Variants in SORCS1 observed in about 807,000 individuals in gnomAD.
The protein encoded by SORCS1 is VPS10 domain-containing receptor SorCS1.
Under a neutral mutation model 146.1 loss-of-function variants are expected in SORCS1, and 60 were observed. That is an observed-to-expected ratio of 0.41 (90% CI 0.33 to 0.51). The LOEUF is 0.51. Ranked by LOEUF, SORCS1 falls within the 20% of genes least tolerant of loss-of-function variation. SORCS1 has a pLI of 0.21. For synonymous variants in SORCS1, 637 were observed against 584.0 expected, an observed-to-expected ratio of 1.09 and a Z score of -1.31; for missense variants, 1,352 against 1,487.6, an observed-to-expected ratio of 0.91 and a Z score of 1.50.
intron 2 of SORCS1, among the ~76,000 whole-genome samples, chr10:106,834,639 C>T (rs1948708128): frequency 6.6e-6 from 1 of 151,940 alleles, no homozygotes; most frequent in Non-Finnish European, 1.5e-5. Context: ...GAAATGCCAG[C>T]CTGGACTAAC....
At chr10:106,896,892 T>TG (rs1951502820) in intron 2 of SORCS1, among the ~76,000 whole-genome samples, 1 of 146,632 alleles carries the variant, frequency 6.8e-6, no homozygotes, top group Admixed American at 6.8e-5. Context: ...AAATACTGTT[T>TG]TTTTTTTTTT....
intron 2 of SORCS1, among the ~76,000 whole-genome samples, chr10:106,853,879 C>G (rs1183923793): frequency 6.6e-6 from 1 of 151,918 alleles, no homozygotes; most frequent in African/African-American, 2.4e-5. Context: ...AGAAAGTGGT[C>G]TGTCTTAGCA....
Position 106,597,462 on chromosome 10 carries a change from A to C in SORCS1, c.3166-12T>G. ...AGCAATTCTGATATCTGAAAAAAGA[A>C]GCATAGTTAGTGACACCAAAAGTGT... On this transcript the variant is annotated splice_polypyrimidine_tract_variant and intron_variant, in intron 23 of 25. Coordinates refer to ENST00000263054, the MANE Select transcript of SORCS1 (RefSeq NM_052918.5). The C allele has an allele frequency of 6.2e-7, 1 of 1,607,490 alleles. No homozygotes were observed. Among genetic ancestry groups the C allele is most frequent in the South Asian group, 1.1e-5 (1 of 90,904 alleles).
intron 3 of SORCS1, among the ~76,000 whole-genome samples, chr10:106,828,435 T>C (rs1948392908): frequency 6.6e-6 from 1 of 152,190 alleles, no homozygotes; most frequent in Admixed American, 6.5e-5. Context: ...GGGACCACTT[T>C]TGACAAGCAG....
chr10:106,586,386 T>C (rs1589667892), intron 24 of SORCS1, among the ~76,000 whole-genome samples: 2 of 152,324 alleles, frequency 1.3e-5, no homozygotes, highest in East Asian at 3.9e-4. Context: ...GTATTTTATA[T>C]GTGTTATCCT....
chr10:106,695,305 T>C (rs1301890437), intron 9 of SORCS1, among the ~76,000 whole-genome samples: 1 of 152,182 alleles, frequency 6.6e-6, no homozygotes, highest in Non-Finnish European at 1.5e-5. Flanking sequence ...TACATTGACT[T>C]TTCCCCAGAT....
At chr10:106,826,648 G>A (rs1180145425) in intron 3 of SORCS1, among the ~76,000 whole-genome samples, 5 of 152,134 alleles carry the variant, frequency 3.3e-5, no homozygotes, top group East Asian at 3.8e-4. Flanking sequence ...AATATACTGC[G>A]ATGTCAACTT....
chr10:107,118,685 C>T (rs1966204045), intron 1 of SORCS1, among the ~76,000 whole-genome samples: 1 of 152,164 alleles, frequency 6.6e-6, no homozygotes, highest in Admixed American at 6.5e-5. Flanking sequence ...GCACCCTTAT[C>T]CATTTCTACT....
At chr10:106,781,027 A>G in intron 3 of SORCS1, among the ~76,000 whole-genome samples, 1 of 152,118 alleles carries the variant, frequency 6.6e-6, no homozygotes, top group Admixed American at 6.5e-5. Flanking sequence ...TGTCATCAAA[A>G]ATTAAATGCA....
chr10:106,998,982 T>C (rs1399661954), intron 1 of SORCS1, among the ~76,000 whole-genome samples: 1 of 152,208 alleles, frequency 6.6e-6, no homozygotes, highest in Non-Finnish European at 1.5e-5. Flanking sequence ...GAATAATTCT[T>C]GGAATCTGAG....
At chr10:107,045,486 C>A (rs1481995739) in intron 1 of SORCS1, among the ~76,000 whole-genome samples, 1 of 152,134 alleles carries the variant, frequency 6.6e-6, no homozygotes, top group Non-Finnish European at 1.5e-5. Flanking sequence ...ACTTGAACTT[C>A]ATATTTGTAG....
chr10:106,914,654 G>T (rs955682152), intron 2 of SORCS1, among the ~76,000 whole-genome samples: 6 of 152,176 alleles, frequency 3.9e-5, no homozygotes, highest in African/African-American at 1.4e-4. Context: ...AATTGACCTA[G>T]ATAACTTTTT....
At chr10:107,031,597 C>T (rs1200320917) in intron 1 of SORCS1, among the ~76,000 whole-genome samples, 2 of 149,492 alleles carry the variant, frequency 1.3e-5, no homozygotes, top group African/African-American at 5.1e-5. Flanking sequence ...CAATTTGTAT[C>T]TCTCTTTTTT....
rs1969957187 is a variant in SORCS1, at chr10:107,164,446, G to A, written c.81C>T (p.Cys27=). 2.8e-6 allele frequency: 4 copies of A among 1,405,726 alleles called. No homozygotes were observed. Among genetic ancestry groups the A allele is most frequent in the South Asian group, 3.2e-5 (2 of 62,734 alleles). 87.1% of individuals were successfully genotyped at this position (1,405,726 alleles called of 1,614,324 possible). ...AGCCGCCGCCGCAGACGCCCGGGGC[G>A]CAGAGGATCAAGAGCCCCGCGCCGG... ...LLAGAGLLIL[C]APGVCGGGSC... is the part of the protein sequence containing the mutation. Residue 27 remains cysteine (C), a synonymous_variant, in exon 1 of 26, where the codon TGC becomes TGT. Transcript: ENST00000263054. This position sits in a 1 kb window ranked among gnomAD's most constrained non-coding sequence, Gnocchi z 6.8.
At chr10:106,655,680 T>C (rs1049025707) in intron 17 of SORCS1, among the ~76,000 whole-genome samples, 51 of 152,146 alleles carry the variant, frequency 3.4e-4, no homozygotes, top group African/African-American at 1.2e-3. Flanking sequence ...TAAATGCTCA[T>C]TAAAAACCAT....
intron 1 of SORCS1, among the ~76,000 whole-genome samples, chr10:107,062,547 C>T (rs961190113): frequency 6.6e-6 from 1 of 152,046 alleles, no homozygotes; most frequent in Non-Finnish European, 1.5e-5. Flanking sequence ...TCTTGATCAC[C>T]CATCTACCAT....
intron 25 of SORCS1, chr10:106,577,984 C>T (rs1232269463): frequency 6.4e-6 from 1 of 155,574 alleles, no homozygotes; most frequent in African/African-American, 2.4e-5. Context: ...TTCCCATATT[C>T]ATTTAAAGAG....
In SORCS1 at chr10:106,667,726, C is replaced by T; in HGVS notation, c.2266G>A (p.Asp756Asn). The T allele has an allele frequency of 6.2e-7, 1 of 1,614,092 alleles. No individual in the cohort carries two copies. The highest frequency in any genetic ancestry group is 1.3e-5 in the African/African-American group (1 of 75,054). Residue 756 changes from aspartate to asparagine, a missense_variant, in exon 17 of 26, where the codon GAT becomes AAT. Asp to Asn is a conservative substitution (Grantham distance 23). Transcript: ENST00000263054. The stretch of plus-strand genomic sequence containing the variant: ...AGGTAACTCTGTCCCAAGCTGCAAT[C>T]CTTTGACAGAGAGGATGGATTGAAC... Reference protein sequence around the residue: ...FWFNPSSLSKDCSLGQSYLNS... With the variant: ...FWFNPSSLSKNCSLGQSYLNS...
intron 1 of SORCS1, among the ~76,000 whole-genome samples, chr10:107,127,565 T>C (rs530078435): frequency 7.6e-4 from 115 of 152,316 alleles, no homozygotes; most frequent in African/African-American, 2.5e-3. Flanking sequence ...ATCATGTTCC[T>C]GAAGATAGCA....
Sources: gnomAD v4.1 joint callset for allele counts (sites outside exome capture counted in the v4.1 genomes callset) on GRCh38, gnomAD v4.1.1 for gene constraint, Gnocchi (gnomAD v3.1) non-coding constraint, MANE v1.5 for transcripts, NCBI Gene and HGNC (gene_info 2026-07-23, HGNC 2026-07-21) for gene names.